The following GALNT13 variants were observed in gnomAD, a reference collection of about 807,000 sequenced individuals.
GALNT13 encodes the protein polypeptide N-acetylgalactosaminyltransferase 13.
GALNT13 carries 28 observed loss-of-function variants against 64.2 expected under a neutral mutation model. That is an observed-to-expected ratio of 0.44 (90% CI 0.32 to 0.60). GALNT13 has a LOEUF of 0.60. Among genes scored for constraint, GALNT13 ranks in the 20% least tolerant of loss-of-function variants. The probability of loss-of-function intolerance (pLI) is 0.05; values close to 1 mark genes in which losing one functional copy is unlikely to be tolerated. For missense variants in GALNT13, 577 were observed against 669.8 expected, an observed-to-expected ratio of 0.86 and a Z score of 1.53; for synonymous variants, 214 against 224.6, an observed-to-expected ratio of 0.95 and a Z score of 0.42.
chr2:154,327,330 CA>C (rs1694931238), intron 9 of GALNT13, among the ~76,000 whole-genome samples: 1 of 152,056 alleles, frequency 6.6e-6, no homozygotes, highest in Non-Finnish European at 1.5e-5. Context: ...TACCCAGTCT[CA>C]GGTAGTTATT....
chr2:154,023,661 G>C (rs1377905018), intron 3 of GALNT13, among the ~76,000 whole-genome samples: 1 of 152,138 alleles, frequency 6.6e-6, no homozygotes, highest in Non-Finnish European at 1.5e-5. Flanking sequence ...TTGCCAGTCT[G>C]TGTCTTTTAA....
At chr2:153,185,506 G>T in the GALNT13 span, among the ~76,000 whole-genome samples, 5 of 151,950 alleles carry the variant, frequency 3.3e-5, no homozygotes. Flanking sequence ...TAGCTTTGGG[G>T]CTTGTTTCCT....
At chr2:154,302,165 T>G (rs1693479874) in intron 9 of GALNT13, among the ~76,000 whole-genome samples, 1 of 152,018 alleles carries the variant, frequency 6.6e-6, no homozygotes, top group Non-Finnish European at 1.5e-5. Context: ...CATTACTTAT[T>G]TTAAGAATTG....
At chr2:153,461,573 G>T in the GALNT13 span, among the ~76,000 whole-genome samples, 2 of 152,008 alleles carry the variant, frequency 1.3e-5, no homozygotes, top group Admixed American at 6.6e-5. Flanking sequence ...GATGAGTCTG[G>T]GTTAATTTCA....
At chr2:154,316,600 A>T (rs1250861120) in intron 9 of GALNT13, among the ~76,000 whole-genome samples, 1 of 152,140 alleles carries the variant, frequency 6.6e-6, no homozygotes, top group African/African-American at 2.4e-5. Flanking sequence ...GCTCAGGGTT[A>T]TGGAGATTAT....
At chr2:153,630,859 C>A in the GALNT13 span, among the ~76,000 whole-genome samples, 1 of 106,766 alleles carries the variant, frequency 9.4e-6, no homozygotes, top group Non-Finnish European at 1.8e-5. Flanking sequence ...ATGTGCACAA[C>A]GTGCAGTTTG....
At chr2:153,810,546 T>C in the GALNT13 span, among the ~76,000 whole-genome samples, 36 of 152,186 alleles carry the variant, frequency 2.4e-4, no homozygotes, top group Admixed American at 1.7e-3. Context: ...TTTACAATTG[T>C]ACCCATTCTT....
At chr2:153,488,210 A>G in the GALNT13 span, among the ~76,000 whole-genome samples, 1 of 152,188 alleles carries the variant, frequency 6.6e-6, no homozygotes, top group Non-Finnish European at 1.5e-5. Context: ...CATTGTCACC[A>G]TGGCAAACCT....
chr2:153,510,468 C>G, the GALNT13 span, among the ~76,000 whole-genome samples: 1 of 152,092 alleles, frequency 6.6e-6, no homozygotes, highest in Non-Finnish European at 1.5e-5. Context: ...TCTGAGAAGA[C>G]TGGAAACAAA....
At chr2:154,354,964 G>A (rs920987980) in intron 9 of GALNT13, among the ~76,000 whole-genome samples, 2 of 151,886 alleles carry the variant, frequency 1.3e-5, no homozygotes, top group Non-Finnish European at 2.9e-5. Flanking sequence ...CTGGATTTCT[G>A]CCATTGCCTG....
At chr2:154,199,142 T>C (rs1354753055) in intron 4 of GALNT13, among the ~76,000 whole-genome samples, 1 of 151,986 alleles carries the variant, frequency 6.6e-6, no homozygotes, top group East Asian at 1.9e-4. Context: ...AGTAACATGC[T>C]TGTATTCTTT....
At chr2:153,103,712 T>G in the GALNT13 span, among the ~76,000 whole-genome samples, 6 of 152,340 alleles carry the variant, frequency 3.9e-5, no homozygotes, top group East Asian at 1.2e-3. Context: ...ATACATTGTC[T>G]GTCTCTCTAC....
At chr2:153,196,088 G>A in the GALNT13 span, among the ~76,000 whole-genome samples, 1,584 of 152,300 alleles carry the variant, frequency 0.01, 23 homozygotes, top group African/African-American at 0.036. Flanking sequence ...TGGTCCTTGG[G>A]CCACCAGGAG....
chr2:153,127,566 T>G, the GALNT13 span, among the ~76,000 whole-genome samples: 1 of 152,310 alleles, frequency 6.6e-6, no homozygotes, highest in Non-Finnish European at 1.5e-5. Context: ...GTAATCTTAG[T>G]GATATCCAAA....
chr2:154,411,120 C>T (rs758215886), intron 11 of GALNT13, among the ~76,000 whole-genome samples: 1 of 151,616 alleles, frequency 6.6e-6, no homozygotes, highest in Non-Finnish European at 1.5e-5. Context: ...TAGACATTGC[C>T]AAGAAATAAT....
the GALNT13 span, among the ~76,000 whole-genome samples, chr2:153,344,922 T>C: frequency 1.3e-5 from 2 of 152,180 alleles, no homozygotes; most frequent in African/African-American, 4.8e-5. Flanking sequence ...AGAAAAATGA[T>C]ACTTGTATTT....
intron 9 of GALNT13, among the ~76,000 whole-genome samples, chr2:154,395,724 A>G (rs1356469894): frequency 2.0e-5 from 3 of 152,264 alleles, no homozygotes; most frequent in South Asian, 2.1e-4. Flanking sequence ...ATTTACATTT[A>G]GTTAATTAAT....
chr2:153,091,551 C>T, the GALNT13 span, among the ~76,000 whole-genome samples: 1 of 152,148 alleles, frequency 6.6e-6, no homozygotes, highest in South Asian at 2.1e-4. Flanking sequence ...TGGTACATTC[C>T]TGTGGTAGTT....
At chr2:153,501,756 C>CT in the GALNT13 span, among the ~76,000 whole-genome samples, 1,103 of 152,222 alleles carry the variant, frequency 7.2e-3, 12 homozygotes, top group African/African-American at 0.026. Context: ...AAGAAAAAAA[C>CT]TTTTTTTAAG....
Sources: gnomAD v4.1 joint callset for allele counts (sites outside exome capture counted in the v4.1 genomes callset) on GRCh38, gnomAD v4.1.1 for gene constraint, MANE v1.5 for transcripts, NCBI Gene and HGNC (gene_info 2026-07-23, HGNC 2026-07-21) for gene names.